Variants in ADAMTS17 observed in about 807,000 individuals in gnomAD.
ADAMTS17 encodes the protein ADAM metallopeptidase with thrombospondin type 1 motif 17, also known as A disintegrin and metalloproteinase with thrombospondin motifs 17.
In ADAMTS17, 113 loss-of-function variants were observed where a neutral mutation model predicts 141.5. The observed-to-expected ratio is 0.80, with a 90% CI of 0.69 to 0.93. The LOEUF is 0.93. ADAMTS17 is among the 40% of genes least tolerant of loss of function. The pLI is 0.00. For synonymous variants in ADAMTS17, 768 were observed against 630.6 expected, an observed-to-expected ratio of 1.22 and a Z score of -3.27; for missense variants, 1,659 against 1,517.9, an observed-to-expected ratio of 1.09 and a Z score of -1.54.
chr15:100,130,094 G>C (rs1165266843), intron 12 of ADAMTS17, among the ~76,000 whole-genome samples: 12 of 152,122 alleles, frequency 7.9e-5, no homozygotes, highest in African/African-American at 2.7e-4. Flanking sequence ...ATTGGGCATG[G>C]TGGCTCACAC....
intron 2 of ADAMTS17, among the ~76,000 whole-genome samples, chr15:100,339,336 A>G (rs1310926551): frequency 6.6e-6 from 1 of 152,206 alleles, no homozygotes; most frequent in East Asian, 1.9e-4. Context: ...ACTTTACACC[A>G]AGAAGTATAA....
At chr15:100,109,192 C>A in intron 13 of ADAMTS17, 76 bp from the exon 14 acceptor site, 1 of 1,548,006 alleles carries the variant, frequency 6.5e-7, no homozygotes, top group Non-Finnish European at 8.7e-7. Flanking sequence ...TACATGTGGG[C>A]AGAGGGAAAC....
intron 4 of ADAMTS17, among the ~76,000 whole-genome samples, chr15:100,265,841 C>A (rs79313784): frequency 6.6e-6 from 1 of 152,214 alleles, no homozygotes; most frequent in Non-Finnish European, 1.5e-5. Context: ...ATGACCTGGG[C>A]ACTTGTTGGA....
At chr15:100,264,163 C>T (rs552739266) in intron 4 of ADAMTS17, among the ~76,000 whole-genome samples, 1 of 152,352 alleles carries the variant, frequency 6.6e-6, no homozygotes, top group East Asian at 1.9e-4. Flanking sequence ...CTCCTTTCCT[C>T]AGGAACAACT....
At chr15:100,149,253 C>T (rs1283514340) in intron 10 of ADAMTS17, among the ~76,000 whole-genome samples, 1 of 152,228 alleles carries the variant, frequency 6.6e-6, no homozygotes, top group Non-Finnish European at 1.5e-5. Flanking sequence ...CAGCATGCCC[C>T]AAATCCTTGG....
intron 8 of ADAMTS17, among the ~76,000 whole-genome samples, chr15:100,185,574 C>G (rs1039741503): frequency 1.3e-5 from 2 of 152,218 alleles, no homozygotes; most frequent in Non-Finnish European, 1.5e-5. Flanking sequence ...GTGAGAAAAT[C>G]AACACTTCCC....
At chr15:100,162,381 T>C (rs1448617650) in intron 8 of ADAMTS17, among the ~76,000 whole-genome samples, 1 of 147,506 alleles carries the variant, frequency 6.8e-6, no homozygotes, top group Non-Finnish European at 1.5e-5. Context: ...ATATATGTTA[T>C]ATATATAACT....
At chr15:100,220,764 C>T (rs960372060) in intron 7 of ADAMTS17, among the ~76,000 whole-genome samples, 4 of 152,228 alleles carry the variant, frequency 2.6e-5, no homozygotes, top group Non-Finnish European at 2.9e-5. Context: ...TGGAATCACA[C>T]GATATGCGGC....
At chr15:100,330,847 G>C in intron 3 of ADAMTS17, 42 bp downstream of exon 3, 3 of 1,608,620 alleles carry the variant, frequency 1.9e-6, no homozygotes, top group African/African-American at 1.3e-5. Flanking sequence ...GATGTGGGCT[G>C]TGCGTGTGTT....
At chr15:100,263,689 G>A (rs1028032190) in intron 4 of ADAMTS17, among the ~76,000 whole-genome samples, 6 of 152,208 alleles carry the variant, frequency 3.9e-5, no homozygotes, top group Non-Finnish European at 7.3e-5. Context: ...AGAGGTACGC[G>A]GAGAGCATAG....
chr15:100,090,564 C>G (rs2035393095), intron 15 of ADAMTS17, among the ~76,000 whole-genome samples: 1 of 152,162 alleles, frequency 6.6e-6, no homozygotes, highest in South Asian at 2.1e-4. Flanking sequence ...TGTCTTTTCT[C>G]ATGTGCCCCT....
In ADAMTS17 at chr15:100,341,212, A is replaced by G; in HGVS notation, c.277T>C (p.Tyr93His). Residue 93 changes from tyrosine to histidine, a missense_variant, in exon 2 of 22, where the codon TAC becomes CAC. By Grantham distance (83) the Tyr-to-His change is moderately conservative. Coordinates refer to ENST00000268070, the MANE Select transcript of ADAMTS17 (RefSeq NM_139057.4). ...LHLPAFGRDL[Y>H]LQLRRDLRFL... ...CGCAGGTCGCGGCGCAGCTGAAGGT[A>G]CAGGTCGCGCCCGAAGGCCGGCAGG... is the stretch of plus-strand genomic sequence containing the variant. 6.9e-7 allele frequency: 1 copy of G among 1,451,178 alleles called. No individual in the cohort carries two copies. Among genetic ancestry groups the G allele is most frequent in the Non-Finnish European group, 9.1e-7 (1 of 1,104,418 alleles). The allele number at this position is 1,451,178 out of a possible 1,614,324, so 89.9% of individuals were successfully genotyped here.
At position 100,157,398 on chromosome 15, in the gene ADAMTS17, T is replaced by C. The variant is rs28515095; in HGVS notation, c.1182-2078A>G. 3.7e-3 allele frequency among the ~76,000 whole-genome samples: 557 copies of C among 152,354 alleles called. 7 individuals carry two copies. Among genetic ancestry groups the C allele is most frequent in the Middle Eastern group, 0.01 (3 of 294 alleles). On this transcript the variant is annotated intron_variant, in intron 8 of 21. Transcript: ENST00000268070. The stretch of plus-strand genomic sequence containing the variant: ...ACAAAATGTCTAAGGCACTTACATA[T>C]AATGTCTTGTTATTTCTCCACTTGA...
At chr15:100,046,148 T>G (rs1021427592) in intron 18 of ADAMTS17, among the ~76,000 whole-genome samples, 1 of 152,246 alleles carries the variant, frequency 6.6e-6, no homozygotes, top group African/African-American at 2.4e-5. Flanking sequence ...CCCAAAGTGC[T>G]GGGATTACAG....
intron 8 of ADAMTS17, among the ~76,000 whole-genome samples, chr15:100,180,615 G>A (rs1216786910): frequency 1.3e-5 from 2 of 152,118 alleles, no homozygotes; most frequent in African/African-American, 2.4e-5. Context: ...GGGTAGTATG[G>A]ATGTTTTAAC....
chr15:100,208,837 A>T (rs1161787623), intron 7 of ADAMTS17, among the ~76,000 whole-genome samples: 1 of 152,190 alleles, frequency 6.6e-6, no homozygotes, highest in Non-Finnish European at 1.5e-5. Context: ...TCTTTGGTAT[A>T]TCCAAGGGTC....
At chr15:100,290,065 A>G (rs2044577900) in intron 3 of ADAMTS17, among the ~76,000 whole-genome samples, 1 of 152,172 alleles carries the variant, frequency 6.6e-6, no homozygotes, top group African/African-American at 2.4e-5. Flanking sequence ...GAAGAGAGTA[A>G]GTCAAACCAT....
intron 7 of ADAMTS17, among the ~76,000 whole-genome samples, chr15:100,231,761 G>T (rs777475451): frequency 3.9e-5 from 6 of 152,106 alleles, no homozygotes; most frequent in Non-Finnish European, 8.8e-5. Context: ...GGGTCTCAAT[G>T]GTCTGTTGCC....
rs548362973 is a variant in ADAMTS17, at chr15:99,991,416, A to G, written c.2949+1632T>C. On this transcript the variant is annotated intron_variant, in intron 20 of 21. Transcript: ENST00000268070. ...ATTTATGCAGCCAATAAACATATGA[A>G]AAAAAGCTCATCATCACTGGTCATT... 4.6e-5 allele frequency among the ~76,000 whole-genome samples: 7 copies of G among 152,376 alleles called. No homozygotes were observed. In the South Asian group the frequency reaches 1.4e-3, roughly 32 times the overall value.
Sources: allele counts gnomAD v4.1 joint callset (sites outside exome capture counted in the v4.1 genomes callset), GRCh38; gene constraint gnomAD v4.1.1; transcripts MANE v1.5; gene names NCBI Gene and HGNC (gene_info 2026-07-23, HGNC 2026-07-21).